The following QKI variants were observed in gnomAD, a reference collection of about 807,000 sequenced individuals.
The protein encoded by QKI is QKI, KH domain containing RNA binding.
In QKI, 10 loss-of-function variants were observed where a neutral mutation model predicts 39.0. That is an observed-to-expected ratio of 0.26 (90% CI 0.16 to 0.43). QKI has a LOEUF of 0.43. Ranked by LOEUF, QKI falls within the 20% of genes least tolerant of loss-of-function variation. The pLI is 1.00. For synonymous variants in QKI, 204 were observed against 155.4 expected (o/e 1.31, Z -2.33); for missense variants, 218 against 428.0 (o/e 0.51, Z 4.33).
chr6:163,457,141 T>C (rs1299944062), intron 2 of QKI, among the ~76,000 whole-genome samples: 1 of 152,182 alleles, frequency 6.6e-6, no homozygotes, highest in Non-Finnish European at 1.5e-5. Context: ...TTTTGCTTAT[T>C]TAAACGTTAA....
intron 1 of QKI, among the ~76,000 whole-genome samples, chr6:163,423,874 G>A (rs1458570654): frequency 6.6e-6 from 1 of 152,208 alleles, no homozygotes; most frequent in African/African-American, 2.4e-5. Context: ...AGAGAAGTAT[G>A]CTATTGCTAA....
At chr6:163,503,010 A>G (rs149794069) in intron 3 of QKI, among the ~76,000 whole-genome samples, 128 of 151,836 alleles carry the variant, frequency 8.4e-4, no homozygotes, top group African/African-American at 3.0e-3. Flanking sequence ...AACAGCATCT[A>G]TGTTTTTTTG....
intron 3 of QKI, among the ~76,000 whole-genome samples, chr6:163,508,532 CTTTTT>C (rs796358857): frequency 2.2e-4 from 1 of 4,492 alleles, no homozygotes; most frequent in African/African-American, 1.3e-3. Flanking sequence ...TTCTTTCTTT[CTTTTT>C]TTTTTTTTTA....
At chr6:163,449,972 AT>A (rs1790424575) in intron 1 of QKI, among the ~76,000 whole-genome samples, 1 of 151,958 alleles carries the variant, frequency 6.6e-6, no homozygotes, top group African/African-American at 2.4e-5. Context: ...ATTCATATAT[AT>A]GTAATTGGAT....
intron 1 of QKI, among the ~76,000 whole-genome samples, chr6:163,442,341 A>G (rs563029271): frequency 1.3e-5 from 2 of 152,320 alleles, no homozygotes; most frequent in Non-Finnish European, 2.9e-5. Context: ...TAGCGTGGTA[A>G]GTTTTATTAG....
At position 163,426,980 on chromosome 6, in the gene QKI, T is replaced by C. The variant is rs144350270; in HGVS notation, c.142+11645T>C. 6.7e-3 allele frequency among the ~76,000 whole-genome samples: 1,013 copies of C among 152,306 alleles called. 10 individuals are homozygous for C. Among genetic ancestry groups the C allele is most frequent in the African/African-American group, 0.023 (951 of 41,556 alleles). On this transcript the variant is annotated intron_variant, in intron 1 of 7. Transcript: ENST00000361752. ...TGATAATTAAACTGGCTCCTGTGTCTGTTGAACTGCTGCTTGCTTTCTGGG... is the reference window on the plus strand; with the variant it reads ...TGATAATTAAACTGGCTCCTGTGTCCGTTGAACTGCTGCTTGCTTTCTGGG...
rs1401870596 is a variant in QKI, at chr6:163,572,294, T to C, written c.*1584T>C. 1 of 152,202 alleles carries C rather than the reference T, an allele frequency of 6.6e-6. No homozygotes were observed. Among genetic ancestry groups the C allele is most frequent in the Non-Finnish European group, 1.5e-5 (1 of 68,028 alleles). 9.4% of individuals were successfully genotyped at this position (152,202 alleles called of 1,614,324 possible). A position where few individuals can be genotyped will look rare whatever the true frequency, so the allele number is the denominator to read the frequency against. On this transcript the variant is annotated 3_prime_UTR_variant, in exon 8 of 8. Coordinates refer to ENST00000361752, the MANE Select transcript of QKI (RefSeq NM_006775.3). ...TGTTTTTTGTTTTTAATTAATTGAATATAATAGGATACCTAGCAAATGTTT... is the reference window on the plus strand; with the variant it reads ...TGTTTTTTGTTTTTAATTAATTGAACATAATAGGATACCTAGCAAATGTTT...
At chr6:163,477,621 C>T (rs1792721697) in intron 2 of QKI, among the ~76,000 whole-genome samples, 2 of 152,020 alleles carry the variant, frequency 1.3e-5, no homozygotes, top group African/African-American at 4.8e-5. Flanking sequence ...TCTTGAAGAG[C>T]TAAATTAAGT....
At chr6:163,438,415 T>C (rs1016867339) in intron 1 of QKI, among the ~76,000 whole-genome samples, 2 of 152,222 alleles carry the variant, frequency 1.3e-5, no homozygotes, top group Non-Finnish European at 2.9e-5. Context: ...TGATAGATTC[T>C]GATAAATGCA....
rs1783738357 is a variant in QKI, at chr6:163,572,336, T to G, written c.*1626T>G. On this transcript the variant is annotated 3_prime_UTR_variant, in exon 8 of 8. Coordinates refer to ENST00000361752, the MANE Select transcript of QKI (RefSeq NM_006775.3). ...CAAATGTTTTCACAAAAGTGAATCTTTGTGATTTTCATTCTAGAAAACAAT... is the reference window on the plus strand; with the variant it reads ...CAAATGTTTTCACAAAAGTGAATCTGTGTGATTTTCATTCTAGAAAACAAT... The G allele has an allele frequency of 2.6e-5, 4 of 152,210 alleles. No homozygotes were observed. The South Asian group carries it at 8.3e-4, about 32-fold the overall frequency. 9.4% of individuals were successfully genotyped at this position (152,210 alleles called of 1,614,324 possible).
chr6:163,428,838 C>T (rs1264081965), intron 1 of QKI, among the ~76,000 whole-genome samples: 2 of 151,110 alleles, frequency 1.3e-5, no homozygotes, highest in Non-Finnish European at 2.9e-5. Context: ...AAGAATATGT[C>T]TTGTTTCTAT....
intron 6 of QKI, chr6:163,564,636 A>G (rs376925614): frequency 2.1e-5 from 34 of 1,613,800 alleles, no homozygotes; most frequent in Non-Finnish European, 2.9e-5. Context: ...GTGTGCTCGA[A>G]AAAGACATTA....
intron 3 of QKI, among the ~76,000 whole-genome samples, chr6:163,490,813 A>G (rs1778002278): frequency 6.6e-6 from 1 of 152,228 alleles, no homozygotes; most frequent in African/African-American, 2.4e-5. Context: ...GACTAAAGGC[A>G]GAAGACAAAT....
At chr6:163,468,904 A>G (rs60873852) in intron 2 of QKI, among the ~76,000 whole-genome samples, 3,066 of 151,830 alleles carry the variant, frequency 0.02, 103 homozygotes, top group African/African-American at 0.07. Flanking sequence ...AGCTGCTGTG[A>G]TTAGTTTTTT....
At chr6:163,422,778 A>G (rs556457458) in intron 1 of QKI, among the ~76,000 whole-genome samples, 2 of 152,182 alleles carry the variant, frequency 1.3e-5, no homozygotes, top group Non-Finnish European at 2.9e-5. Flanking sequence ...CCGGGATTGA[A>G]TAAGTAGCTG....
intron 3 of QKI, among the ~76,000 whole-genome samples, chr6:163,504,629 G>T (rs34353238): frequency 1.3e-5 from 2 of 152,068 alleles, no homozygotes. Context: ...TTTGGCTGTC[G>T]TAAATGGGAT....
chr6:163,574,229 A>T lies in QKI; in HGVS notation c.*3519A>T, dbSNP rs150078734. ...GAGAAACCAGTTTGATTCTTTGTTG[A>T]ACCATTTCTTTTAATTTCTGTAAAT... On this transcript the variant is annotated 3_prime_UTR_variant, in exon 8 of 8. Transcript: ENST00000361752. 4.5e-4 allele frequency: 68 copies of T among 152,326 alleles called. No individual in the cohort carries two copies. Among genetic ancestry groups the T allele is most frequent in the African/African-American group, 1.5e-3 (64 of 41,564 alleles). 9.4% of individuals were successfully genotyped at this position (152,326 alleles called of 1,614,324 possible).
intron 1 of QKI, among the ~76,000 whole-genome samples, chr6:163,419,183 A>G (rs568347328): frequency 1.3e-5 from 2 of 152,244 alleles, no homozygotes; most frequent in South Asian, 2.1e-4. Context: ...TCTCCTTTAA[A>G]TATATGAGTA....
intron 1 of QKI, among the ~76,000 whole-genome samples, chr6:163,417,604 G>A (rs1787627799): frequency 6.6e-6 from 1 of 152,044 alleles, no homozygotes; most frequent in Admixed American, 6.5e-5. Flanking sequence ...CATTGTCTCT[G>A]ACAAAGGCTT....
Sources: allele counts gnomAD v4.1 joint callset (sites outside exome capture counted in the v4.1 genomes callset), GRCh38; gene constraint gnomAD v4.1.1; transcripts MANE v1.5; gene names NCBI Gene and HGNC (gene_info 2026-07-23, HGNC 2026-07-21).